ADGRL2: variants seen among roughly 807,000 people sequenced by gnomAD.
ADGRL2 encodes adhesion G protein-coupled receptor L2.
In ADGRL2, 44 loss-of-function variants were observed where a neutral mutation model predicts 157.4. The ratio of observed to expected loss-of-function variants is 0.28; its 90% CI spans 0.22 to 0.36. The LOEUF is 0.36. Among genes scored for constraint, ADGRL2 ranks in the 10% least tolerant of loss-of-function variants. The probability of loss-of-function intolerance (pLI) is 1.00; values close to 1 mark genes in which losing one functional copy is unlikely to be tolerated. For synonymous variants in ADGRL2, 585 were observed against 624.7 expected (o/e 0.94, Z 0.95); for missense variants, 1,510 against 1,768.9 (o/e 0.85, Z 2.63).
chr1:81,917,293 AG>A (rs2094878803), intron 3 of ADGRL2, among the ~76,000 whole-genome samples: 1 of 152,202 alleles, frequency 6.6e-6, no homozygotes, highest in African/African-American at 2.4e-5. Context: ...ACATTATCTG[AG>A]GAGAATAATT....
At chr1:81,333,110 T>C (rs977109004) in intron 1 of ADGRL2, among the ~76,000 whole-genome samples, 2 of 152,146 alleles carry the variant, frequency 1.3e-5, no homozygotes, top group African/African-American at 2.4e-5. Context: ...AGTGAGGCTA[T>C]TGGAATAAAT....
intron 3 of ADGRL2, among the ~76,000 whole-genome samples, chr1:81,914,567 C>T (rs865834790): frequency 6.6e-6 from 1 of 152,138 alleles, no homozygotes; most frequent in Non-Finnish European, 1.5e-5. Flanking sequence ...GTGCTTTTAT[C>T]TACTTGACAT....
intron 3 of ADGRL2, among the ~76,000 whole-genome samples, chr1:81,581,445 T>C (rs1188287778): frequency 1.3e-5 from 2 of 152,168 alleles, no homozygotes; most frequent in Admixed American, 6.6e-5. Flanking sequence ...GGTTATCTAC[T>C]CAAGAAAAGG....
At chr1:81,973,862 G>A (rs1336013044) in intron 17 of ADGRL2, among the ~76,000 whole-genome samples, 1 of 152,084 alleles carries the variant, frequency 6.6e-6, no homozygotes, top group African/African-American at 2.4e-5. Flanking sequence ...TGGTATAGGA[G>A]TACAAAACAG....
upstream of ADGRL2, among the ~76,000 whole-genome samples, chr1:81,797,945 T>C (rs986713996): frequency 9.2e-5 from 14 of 152,146 alleles, no homozygotes; most frequent in Non-Finnish European, 1.5e-5. Context: ...ATAAAACAAA[T>C]GGAAATGGGT....
chr1:81,642,790 T>G (rs755046057), intron 3 of ADGRL2, among the ~76,000 whole-genome samples: 6 of 152,144 alleles, frequency 3.9e-5, no homozygotes, highest in Non-Finnish European at 7.3e-5. Context: ...AATCAATTAA[T>G]ATAATAATCA....
chr1:81,725,401 T>C (rs2084488215), intron 1 of ADGRL2, among the ~76,000 whole-genome samples: 1 of 151,536 alleles, frequency 6.6e-6, no homozygotes, highest in Non-Finnish European at 1.5e-5. Context: ...TAGCTGGGCG[T>C]GGTAGCAGGC....
chr1:81,615,441 G>T (rs987238395), intron 3 of ADGRL2, among the ~76,000 whole-genome samples: 3 of 152,198 alleles, frequency 2.0e-5, no homozygotes, highest in Non-Finnish European at 4.4e-5. Flanking sequence ...CCACCTTTAA[G>T]AGCTGTAACA....
intron 2 of ADGRL2, among the ~76,000 whole-genome samples, chr1:81,447,605 C>T (rs939954834): frequency 1.3e-5 from 2 of 152,104 alleles, no homozygotes; most frequent in Non-Finnish European, 2.9e-5. Context: ...ATTAGCATCT[C>T]TCTAAAATTT....
intron 1 of ADGRL2, among the ~76,000 whole-genome samples, chr1:81,739,602 A>C (rs929861076): frequency 6.6e-6 from 1 of 152,338 alleles, no homozygotes; most frequent in Middle Eastern, 3.4e-3. Context: ...AAACTAGCCT[A>C]ACCTGGTAAC....
At chr1:81,362,962 G>T (rs182831287) in intron 1 of ADGRL2, among the ~76,000 whole-genome samples, 1 of 151,894 alleles carries the variant, frequency 6.6e-6, no homozygotes, top group Admixed American at 6.6e-5. Context: ...CACTTTTTCT[G>T]TTGGATTATG....
chr1:81,573,579 A>G (rs2080738268), intron 2 of ADGRL2, among the ~76,000 whole-genome samples: 1 of 152,190 alleles, frequency 6.6e-6, no homozygotes, highest in Non-Finnish European at 1.5e-5. Flanking sequence ...GCTCATTCAT[A>G]GCAATGGAAG....
intron 2 of ADGRL2, among the ~76,000 whole-genome samples, chr1:81,895,537 T>A (rs2094366726): frequency 6.6e-6 from 1 of 151,690 alleles, no homozygotes. Context: ...TAACTGGGAT[T>A]ATAGGTGCCC....
At chr1:81,501,873 A>T (rs11163318) in intron 2 of ADGRL2, 2 of 1,602,704 alleles carry the variant, frequency 1.2e-6, no homozygotes, top group Admixed American at 1.7e-5. Flanking sequence ...AGAGAGAAGC[A>T]GGGCCAGCAG....
At chr1:81,473,205 T>C (rs1356645083) in intron 2 of ADGRL2, among the ~76,000 whole-genome samples, 2 of 152,128 alleles carry the variant, frequency 1.3e-5, no homozygotes, top group East Asian at 3.9e-4. Context: ...GCTCAGTATG[T>C]TAAATTGACT....
rs781244366 is a variant in ADGRL2 at position 81,779,191 on chromosome 1, GA to G, written c.-101+17347del. Among the ~76,000 whole-genome samples, 14 of 151,212 alleles carry G rather than the reference GA, an allele frequency of 9.3e-5. No individual in the cohort carries two copies. In the East Asian group the frequency reaches 2.1e-3, roughly 23 times the overall value. On this transcript the variant is annotated intron_variant, in intron 2 of 20. Transcript: ENST00000359929. ...TCATGGAGCTTACATTCCACTACAG[GA>G]AAAAAAACAAAAACGAAGACACTGA... is the stretch of plus-strand genomic sequence containing the variant.
intron 3 of ADGRL2, among the ~76,000 whole-genome samples, chr1:81,636,307 G>A (rs1363059775): frequency 6.6e-6 from 1 of 152,154 alleles, no homozygotes; most frequent in Non-Finnish European, 1.5e-5. Flanking sequence ...GTGTGTGTAT[G>A]TATGTAGGAA....
At chr1:81,660,750 T>A (rs942449325) in intron 3 of ADGRL2, among the ~76,000 whole-genome samples, 1 of 152,198 alleles carries the variant, frequency 6.6e-6, no homozygotes, top group African/African-American at 2.4e-5. Flanking sequence ...CATAGTGATG[T>A]CTTATTCTAT....
intron 1 of ADGRL2, among the ~76,000 whole-genome samples, chr1:81,381,969 T>G (rs1199756018): frequency 6.6e-6 from 1 of 152,306 alleles, no homozygotes; most frequent in African/African-American, 2.4e-5. Flanking sequence ...CCTTCGTTGT[T>G]TGTGATTCCT....
Sources: gnomAD v4.1 joint callset for allele counts (sites outside exome capture counted in the v4.1 genomes callset) on GRCh38, gnomAD v4.1.1 for gene constraint, MANE v1.5 for transcripts, NCBI Gene and HGNC (gene_info 2026-07-23, HGNC 2026-07-21) for gene names.